NCK1: variants seen among roughly 807,000 people sequenced by gnomAD.
The protein encoded by NCK1 is NCK adaptor protein 1.
A neutral mutation model predicts 36.6 loss-of-function variants in NCK1; 19 were observed. The ratio of observed to expected loss-of-function variants is 0.52; its 90% CI spans 0.36 to 0.76. The LOEUF is 0.76. Ranked by LOEUF, NCK1 falls within the 30% of genes least tolerant of loss-of-function variation. The pLI, the probability that NCK1 is intolerant of heterozygous loss-of-function variation, is 0.00. For missense variants in NCK1, 358 were observed against 445.6 expected (o/e 0.80, Z 1.77); for synonymous variants, 165 against 156.0 (o/e 1.06, Z -0.43).
At chr3:136,875,219 A>G (rs895332602) in intron 1 of NCK1, among the ~76,000 whole-genome samples, 8 of 152,142 alleles carry the variant, frequency 5.3e-5, no homozygotes, top group Non-Finnish European at 1.0e-4. Flanking sequence ...ATTTTTGCCC[A>G]TTGATTTTGT....
rs1247381643 is a variant in NCK1 at position 136,867,116 on chromosome 3, CTTTGT to C, written c.-19+4766_-19+4770del. On this transcript the variant is annotated intron_variant, in intron 1 of 3. Coordinates refer to ENST00000481752, the MANE Select transcript of NCK1 (RefSeq NM_001291999.2). ...TCTTTCTTTCTTTCTTTCTTTCTTT[CTTTGT>C]TTCTTTCTTTCCTTCCTTCCTTCCT... is the stretch of plus-strand genomic sequence containing the variant. Among the ~76,000 whole-genome samples the C allele has an allele frequency of 2.5e-3, 70 of 28,390 alleles. 3 individuals carry two copies. Among genetic ancestry groups the C allele is most frequent in the Middle Eastern group, 0.028 (2 of 72 alleles). The allele number at this position is 28,390 out of a possible 152,430, so 18.6% of individuals were successfully genotyped here. A position where few individuals can be genotyped will look rare whatever the true frequency, so the allele number is the denominator to read the frequency against.
intron 3 of NCK1, among the ~76,000 whole-genome samples, chr3:136,946,548 C>A (rs1451310098): frequency 1.3e-5 from 2 of 152,134 alleles, no homozygotes; most frequent in East Asian, 3.9e-4. Context: ...TTTTGCATTC[C>A]TGATATATTT....
At chr3:136,887,351 A>C (rs567476639) in intron 1 of NCK1, among the ~76,000 whole-genome samples, 1 of 152,282 alleles carries the variant, frequency 6.6e-6, no homozygotes, top group East Asian at 1.9e-4. Context: ...CTATCTTAAC[A>C]TAAAATGGAA....
chr3:136,900,080 C>A, intron 1 of NCK1: 1 of 497,332 alleles, frequency 2.0e-6, no homozygotes. Flanking sequence ...GCACCATGGT[C>A]CCTTTCAGGG....
intron 1 of NCK1, among the ~76,000 whole-genome samples, chr3:136,870,930 A>G (rs1483949348): frequency 1.3e-5 from 2 of 152,182 alleles, no homozygotes; most frequent in Non-Finnish European, 2.9e-5. Flanking sequence ...ACACCAGAGA[A>G]ATCCAGGGTT....
At position 136,949,057 on chromosome 3, in the gene NCK1, A is replaced by G. The variant is rs541149972; in HGVS notation, c.*604A>G. On this transcript the variant is annotated 3_prime_UTR_variant, in exon 4 of 4. Transcript: ENST00000481752. Reference sequence around the variant, plus strand: ...TCATACAGCAAGACACATGAGACATAGATTAGAAAACATGTTGTACAATTT... The same window carrying G: ...TCATACAGCAAGACACATGAGACATGGATTAGAAAACATGTTGTACAATTT... 6.6e-6 allele frequency: 1 copy of G among 152,608 alleles called. No individual in the cohort carries two copies. The highest frequency in any genetic ancestry group is 1.9e-4 in the East Asian group (1 of 5,188). The allele number at this position is 152,608 out of a possible 1,614,324, so 9.5% of individuals were successfully genotyped here.
At chr3:136,864,232 C>T (rs891590099) in intron 1 of NCK1, among the ~76,000 whole-genome samples, 2 of 152,134 alleles carry the variant, frequency 1.3e-5, no homozygotes, top group African/African-American at 4.8e-5. Context: ...GTGGCTCACG[C>T]CTGTAATCCC....
At chr3:136,905,449 A>C (rs895068231) in intron 1 of NCK1, among the ~76,000 whole-genome samples, 1 of 149,160 alleles carries the variant, frequency 6.7e-6, no homozygotes, top group African/African-American at 2.5e-5. Context: ...TGAGACAGAG[A>C]TGGGGTTCTG....
In NCK1 at chr3:136,948,302, A is replaced by G. The variant is rs1190879023; in HGVS notation, c.983A>G (p.Lys328Arg). 6.2e-7 allele frequency: 1 copy of G among 1,607,742 alleles called. No individual in the cohort carries two copies. The highest frequency in any genetic ancestry group is 1.3e-5 in the African/African-American group (1 of 74,570). The change falls in exon 4 of 4, where the codon AAG becomes AGG. Residue 328 changes from lysine (K) to arginine (R), a missense_variant. Transcript: ENST00000481752. ...TCACTAAAAGCACAAGGGAAAAACA[A>G]GCATTTTAAAGTCCAACTAAAAGAG... is the stretch of plus-strand genomic sequence containing the variant. ...SVSLKAQGKN[K>R]HFKVQLKETV...
chr3:136,934,961 G>A (rs773950900), intron 2 of NCK1, among the ~76,000 whole-genome samples: 5 of 152,128 alleles, frequency 3.3e-5, no homozygotes, highest in Admixed American at 1.3e-4. Context: ...CCAAAACTCC[G>A]CATGATCTTG....
At chr3:136,912,166 T>TTTC (rs1939843286) in intron 1 of NCK1, among the ~76,000 whole-genome samples, 2 of 84,092 alleles carry the variant, frequency 2.4e-5, no homozygotes, top group South Asian at 1.3e-3. Flanking sequence ...TTTTTTCTTT[T>TTTC]TTTTTTTTTT....
At chr3:136,929,316 A>G (rs758059769) in intron 2 of NCK1, among the ~76,000 whole-genome samples, 1 of 152,196 alleles carries the variant, frequency 6.6e-6, no homozygotes, top group Non-Finnish European at 1.5e-5. Context: ...AATGTTTTTA[A>G]CCATTGTAAA....
chr3:136,867,295 G>A (rs1171572057), intron 1 of NCK1: 1 of 149,970 alleles, frequency 6.7e-6, no homozygotes, highest in African/African-American at 2.5e-5. Context: ...TTTTTTGACA[G>A]GATCTCGCTC....
intron 2 of NCK1, among the ~76,000 whole-genome samples, chr3:136,937,042 C>G (rs1373181325): frequency 6.6e-6 from 1 of 152,260 alleles, no homozygotes; most frequent in Admixed American, 6.5e-5. Context: ...GAATCCATTG[C>G]TAAATCCAAG....
chr3:136,879,260 C>A (rs866849922), intron 1 of NCK1, among the ~76,000 whole-genome samples: 1 of 151,998 alleles, frequency 6.6e-6, no homozygotes, highest in East Asian at 1.9e-4. Context: ...CAGAGGTCAA[C>A]TTCCAAATAA....
intron 3 of NCK1, among the ~76,000 whole-genome samples, chr3:136,946,678 TGTAA>T (rs1940836401): frequency 6.2e-5 from 1 of 16,062 alleles, no homozygotes; most frequent in Non-Finnish European, 1.5e-4. Context: ...GGATGCAATG[TGTAA>T]GAAGGTAGTC....
intron 1 of NCK1, among the ~76,000 whole-genome samples, chr3:136,924,671 T>C (rs1049553705): frequency 6.6e-6 from 1 of 152,234 alleles, no homozygotes; most frequent in African/African-American, 2.4e-5. Flanking sequence ...CAATCTTATA[T>C]ATTTTTATGC....
intron 1 of NCK1, among the ~76,000 whole-genome samples, chr3:136,896,526 T>C (rs1939396638): frequency 6.6e-6 from 1 of 152,136 alleles, no homozygotes; most frequent in Non-Finnish European, 1.5e-5. Flanking sequence ...CATATGTCCA[T>C]TAATCTGTTT....
At chr3:136,929,897 C>G (rs1466351594) in intron 2 of NCK1, among the ~76,000 whole-genome samples, 4 of 152,144 alleles carry the variant, frequency 2.6e-5, no homozygotes, top group Admixed American at 1.3e-4. Context: ...TGTTAATACT[C>G]CAGGATGCAT....
Sources: allele counts gnomAD v4.1 joint callset (sites outside exome capture counted in the v4.1 genomes callset), GRCh38; gene constraint gnomAD v4.1.1; transcripts MANE v1.5; gene names NCBI Gene and HGNC (gene_info 2026-07-23, HGNC 2026-07-21).